Variants in PAK5 observed in about 807,000 individuals in gnomAD.
PAK5 encodes the protein p21 (RAC1) activated kinase 5.
In PAK5, 16 loss-of-function variants were observed where a neutral mutation model predicts 65.9. That is an observed-to-expected ratio of 0.24 (90% CI 0.16 to 0.37). The LOEUF (loss-of-function observed/expected upper bound fraction) is 0.37. Among genes scored for constraint, PAK5 ranks in the 10% least tolerant of loss-of-function variants. PAK5 has a pLI of 1.00. For synonymous variants in PAK5, 371 were observed against 354.9 expected, an observed-to-expected ratio of 1.05 and a Z score of -0.51; for missense variants, 785 against 903.9, an observed-to-expected ratio of 0.87 and a Z score of 1.69.
At chr20:9,697,622 C>T (rs2047886542) in intron 2 of PAK5, among the ~76,000 whole-genome samples, 1 of 152,224 alleles carries the variant, frequency 6.6e-6, no homozygotes, top group African/African-American at 2.4e-5. Context: ...CCTTGTATTT[C>T]ATAATCTTTC....
At chr20:9,648,169 T>C (rs903439714) in intron 2 of PAK5, among the ~76,000 whole-genome samples, 2 of 152,186 alleles carry the variant, frequency 1.3e-5, no homozygotes, top group Non-Finnish European at 2.9e-5. Flanking sequence ...ACAGTCATAC[T>C]CGTGGCTGTG....
rs539794955 is a variant in PAK5, at chr20:9,641,662, C to G, written c.204+2463G>C. 7.9e-5 allele frequency among the ~76,000 whole-genome samples: 12 copies of G among 152,038 alleles called. No individual in the cohort carries two copies. In the South Asian group the frequency reaches 2.1e-3, roughly 26 times the overall value. ...GGGGGTGGTGCTCGTCAGGGAGGCT[C>G]GGCCGCACAGGAGCCCATGGAGTGG... On this transcript the variant is annotated intron_variant, in intron 3 of 9. Coordinates refer to ENST00000353224, the MANE Select transcript of PAK5 (RefSeq NM_177990.4).
At chr20:9,693,880 T>G (rs567625455) in intron 2 of PAK5, among the ~76,000 whole-genome samples, 2 of 152,224 alleles carry the variant, frequency 1.3e-5, no homozygotes, top group Middle Eastern at 3.4e-3. Context: ...CTAATGTAAA[T>G]AATTGGATAT....
At chr20:9,826,554 C>T (rs751791633) in intron 1 of PAK5, among the ~76,000 whole-genome samples, 4 of 152,120 alleles carry the variant, frequency 2.6e-5, no homozygotes, top group African/African-American at 4.8e-5. Flanking sequence ...TTTAAAAAAT[C>T]CCTGGCATTT....
chr20:9,543,930 T>C (rs1410278607), intron 8 of PAK5, among the ~76,000 whole-genome samples: 1 of 152,224 alleles, frequency 6.6e-6, no homozygotes, highest in Non-Finnish European at 1.5e-5. Flanking sequence ...CACTGTGAGA[T>C]GTAAACTGTG....
chr20:9,819,277 T>A (rs2049392500), intron 1 of PAK5, among the ~76,000 whole-genome samples: 1 of 152,152 alleles, frequency 6.6e-6, no homozygotes, highest in Admixed American at 6.5e-5. Flanking sequence ...CACAAATCTA[T>A]TTCTTACCAA....
intron 1 of PAK5, among the ~76,000 whole-genome samples, chr20:9,750,096 T>C (rs1274186948): frequency 6.6e-6 from 1 of 152,120 alleles, no homozygotes; most frequent in East Asian, 1.9e-4. Context: ...GCCACATAGA[T>C]CTTCAGTTAT....
intron 9 of PAK5, 140 bp from the exon 10 acceptor site, chr20:9,539,757 A>G: frequency 1.5e-6 from 1 of 674,916 alleles, no homozygotes; most frequent in South Asian, 2.0e-5. Context: ...TGAAAGCAAA[A>G]GCATGTCTTG....
At chr20:9,659,466 T>C (rs2047314414) in intron 2 of PAK5, among the ~76,000 whole-genome samples, 1 of 152,206 alleles carries the variant, frequency 6.6e-6, no homozygotes, top group South Asian at 2.1e-4. Context: ...TTTCCAAAAA[T>C]AAGTTACTGC....
chr20:9,688,669 T>C (rs1283899212), intron 2 of PAK5, among the ~76,000 whole-genome samples: 1 of 151,954 alleles, frequency 6.6e-6, no homozygotes, highest in Non-Finnish European at 1.5e-5. Context: ...GAAGCTCACA[T>C]AGCATGAACA....
chr20:9,586,329 G>C (rs2046069263), intron 3 of PAK5, among the ~76,000 whole-genome samples: 2 of 152,072 alleles, frequency 1.3e-5, no homozygotes, highest in Admixed American at 1.3e-4. Context: ...GGAAGTTACA[G>C]GTCCCTTAAA....
intron 2 of PAK5, among the ~76,000 whole-genome samples, chr20:9,694,591 T>C (rs2047843541): frequency 6.6e-6 from 1 of 152,042 alleles, no homozygotes; most frequent in South Asian, 2.1e-4. Context: ...AACATTATCT[T>C]AGCTTCTCCC....
intron 1 of PAK5, among the ~76,000 whole-genome samples, chr20:9,755,548 T>C (rs569342445): frequency 1.3e-5 from 2 of 152,286 alleles, no homozygotes; most frequent in East Asian, 1.9e-4. Flanking sequence ...ACACAAACCA[T>C]GATTCAGCCA....
intron 1 of PAK5, among the ~76,000 whole-genome samples, chr20:9,828,758 A>T (rs1305182101): frequency 6.6e-6 from 1 of 152,214 alleles, no homozygotes; most frequent in East Asian, 1.9e-4. Context: ...TTGAATTTTA[A>T]TTGGAAATGA....
At chr20:9,635,419 C>T (rs1358240175) in intron 3 of PAK5, among the ~76,000 whole-genome samples, 6 of 152,230 alleles carry the variant, frequency 3.9e-5, no homozygotes, top group Admixed American at 6.5e-5. Flanking sequence ...TTCAAAAGTG[C>T]CCCGTGCCAT....
At chr20:9,706,073 A>G (rs1056723775) in intron 2 of PAK5, among the ~76,000 whole-genome samples, 2 of 152,170 alleles carry the variant, frequency 1.3e-5, no homozygotes, top group African/African-American at 4.8e-5. Context: ...AAATCCATGA[A>G]TTGAAAATTA....
intron 2 of PAK5, among the ~76,000 whole-genome samples, chr20:9,708,531 T>G (rs1451535967): frequency 6.6e-6 from 1 of 152,182 alleles, no homozygotes; most frequent in African/African-American, 2.4e-5. Flanking sequence ...ATGATCATGA[T>G]CATCACCATC....
rs75715997 is a variant in PAK5, at chr20:9,710,915, C to G, written c.-12+371G>C. On this transcript the variant is annotated intron_variant, in intron 2 of 9. Transcript: ENST00000353224. ...CACATGGACGGTATGATCTTCAAAC[C>G]CTACTTGGCTGGATTTTTTTCTATC... 9.1e-3 allele frequency among the ~76,000 whole-genome samples: 1,382 copies of G among 152,230 alleles called. 17 individuals are homozygous for G. The highest frequency in any genetic ancestry group is 0.032 in the African/African-American group (1,314 of 41,536).
intron 1 of PAK5, among the ~76,000 whole-genome samples, chr20:9,757,320 A>G (rs2048646660): frequency 6.6e-6 from 1 of 152,166 alleles, no homozygotes; most frequent in African/African-American, 2.4e-5. Flanking sequence ...CTTAAAGCTG[A>G]AGTGTAGTGA....
Sources: gnomAD v4.1 joint callset for allele counts (sites outside exome capture counted in the v4.1 genomes callset) on GRCh38, gnomAD v4.1.1 for gene constraint, MANE v1.5 for transcripts, NCBI Gene and HGNC (gene_info 2026-07-23, HGNC 2026-07-21) for gene names.